The following RPS6KA3 variants were observed in gnomAD, a reference collection of about 807,000 sequenced individuals.
RPS6KA3 encodes the protein ribosomal protein S6 kinase alpha-3.
Under a neutral mutation model 67.2 loss-of-function variants are expected in RPS6KA3, and 4 were observed. That is an observed-to-expected ratio of 0.06 (90% confidence interval 0.03 to 0.14). RPS6KA3 has a LOEUF of 0.14. Among genes scored for constraint, RPS6KA3 ranks in the 10% least tolerant of loss-of-function variants. The probability of loss-of-function intolerance (pLI) is 1.00; values close to 1 mark genes in which losing one functional copy is unlikely to be tolerated. For missense variants in RPS6KA3, 204 were observed against 559.0 expected (o/e 0.36, Z 6.40); for synonymous variants, 182 against 183.7 (o/e 0.99, Z 0.07).
chrX:20,199,697 C>T (rs1394375789), intron 4 of RPS6KA3, among the ~76,000 whole-genome samples: 1 of 111,023 alleles, frequency 9.0e-6, no homozygotes. Context: ...TTTTAGAAAC[C>T]CACACTCAAG....
At position 20,152,662 on chromosome X, in the gene RPS6KA3, A is replaced by C. The variant is rs757385850; in HGVS notation, c.*2736T>G. ...AACACAAGCACTATATTTAGAGCACATCGTTGGCCAAGTTTTTCCACTGTA... is the reference window on the plus strand; with the variant it reads ...AACACAAGCACTATATTTAGAGCACCTCGTTGGCCAAGTTTTTCCACTGTA... On this transcript the variant is annotated 3_prime_UTR_variant, in exon 22 of 22. Coordinates refer to ENST00000379565, the MANE Select transcript of RPS6KA3 (RefSeq NM_004586.3). 1 of 112,284 alleles carries C rather than the reference A, an allele frequency of 8.9e-6. No homozygotes were observed. The highest frequency in any genetic ancestry group is 1.9e-5 in the Non-Finnish European group (1 of 53,267). The allele number at this position is 112,284 out of a possible 1,213,427, so 9.3% of individuals were successfully genotyped here.
chrX:20,160,616 T>C (rs911139785), intron 20 of RPS6KA3, among the ~76,000 whole-genome samples: 3 of 110,342 alleles, frequency 2.7e-5, no homozygotes, highest in Non-Finnish European at 5.7e-5. Flanking sequence ...TTCAGTAGAG[T>C]TGGGGTTTCA....
chrX:20,180,689 TG>T (rs1341215449), intron 10 of RPS6KA3, among the ~76,000 whole-genome samples: 3 of 112,271 alleles, frequency 2.7e-5, no homozygotes, highest in African/African-American at 9.7e-5. Context: ...CTTATAGACA[TG>T]AAACTCTGCC....
chrX:20,238,618 T>C (rs925092641), intron 1 of RPS6KA3, among the ~76,000 whole-genome samples: 1 of 110,758 alleles, frequency 9.0e-6, no homozygotes, highest in Non-Finnish European at 1.9e-5. Context: ...CAAAGCAACC[T>C]AAGAAAAAAA....
At chrX:20,208,674 T>C (rs909158139) in intron 3 of RPS6KA3, among the ~76,000 whole-genome samples, 7 of 111,583 alleles carry the variant, frequency 6.3e-5, no homozygotes, top group African/African-American at 2.3e-4. Flanking sequence ...GCCGAGATCA[T>C]GCCACTGTAC....
intron 2 of RPS6KA3, among the ~76,000 whole-genome samples, chrX:20,209,641 C>G (rs2068660018): frequency 1.8e-5 from 2 of 111,857 alleles, no homozygotes; most frequent in South Asian, 7.4e-4. Context: ...TTATACCAGC[C>G]TACTACATAG....
intron 18 of RPS6KA3, among the ~76,000 whole-genome samples, chrX:20,164,222 C>T (rs2067376456): frequency 9.0e-6 from 1 of 110,521 alleles, no homozygotes; most frequent in Non-Finnish European, 1.9e-5. Flanking sequence ...GCAATTTATT[C>T]CTGACATGGG....
At chrX:20,225,230 G>GTTTTTTTTTTTTTTTTTTTTTTTTT (rs113509516) in intron 2 of RPS6KA3, among the ~76,000 whole-genome samples, 1 of 88,291 alleles carries the variant, frequency 1.1e-5, no homozygotes. Context: ...AAAAGGGGAG[G>GTTTTTTTTTTTTTTTTTTTTTTTTT]TTTTTTTTTT....
intron 14 of RPS6KA3, among the ~76,000 whole-genome samples, chrX:20,174,941 T>C (rs937425571): frequency 4.6e-5 from 5 of 109,365 alleles, no homozygotes; most frequent in Admixed American, 2.9e-4. Context: ...TTAGTAGAGA[T>C]AGGGGTTTCA....
intron 4 of RPS6KA3, among the ~76,000 whole-genome samples, chrX:20,196,406 C>G (rs1244118972): frequency 1.8e-5 from 2 of 112,220 alleles, no homozygotes; most frequent in East Asian, 5.6e-4. Context: ...TCAAGAAGCT[C>G]ATGATCTAGT....
chrX:20,186,059 C>A (rs1018395588), intron 10 of RPS6KA3, among the ~76,000 whole-genome samples: 2 of 110,734 alleles, frequency 1.8e-5, no homozygotes, highest in African/African-American at 6.7e-5. Flanking sequence ...CCCACCTCAG[C>A]CTCCTGAGTA....
intron 15 of RPS6KA3, among the ~76,000 whole-genome samples, chrX:20,170,181 T>TA (rs1403194169): frequency 1.2e-4 from 13 of 112,304 alleles, no homozygotes; most frequent in African/African-American, 4.2e-4. Context: ...ATATTTTTCT[T>TA]AATGTTTTAA....
intron 2 of RPS6KA3, among the ~76,000 whole-genome samples, chrX:20,218,433 C>G (rs1428627360): frequency 9.0e-6 from 1 of 111,458 alleles, no homozygotes; most frequent in Non-Finnish European, 1.9e-5. Flanking sequence ...TTATAGTAAT[C>G]TCCTAAATAT....
chrX:20,191,413 A>G (rs1056584621), intron 7 of RPS6KA3, among the ~76,000 whole-genome samples: 8 of 111,546 alleles, frequency 7.2e-5, no homozygotes, highest in African/African-American at 2.6e-4. Context: ...GTCAAACGGT[A>G]TTTCTGGTTC....
chrX:20,155,557 A>G (rs1200968736), intron 21 of RPS6KA3, 37 bp from the exon 22 acceptor site: 1 of 1,188,148 alleles, frequency 8.4e-7, no homozygotes. Flanking sequence ...CAAAAGTGAC[A>G]ATGGATAGTC....
At chrX:20,251,154 T>G (rs1334335825) in intron 1 of RPS6KA3, among the ~76,000 whole-genome samples, 1 of 111,716 alleles carries the variant, frequency 9.0e-6, no homozygotes, top group African/African-American at 3.3e-5. Flanking sequence ...TGTTTTGAGA[T>G]GAGGTCTCAC....
chrX:20,175,695 C>T (rs181399013), intron 13 of RPS6KA3, among the ~76,000 whole-genome samples: 10 of 111,396 alleles, frequency 9.0e-5, no homozygotes, highest in Non-Finnish European at 1.5e-4. Flanking sequence ...TGAGAAACTA[C>T]ACTTTAAATT....
chrX:20,254,712 C>G (rs968259059), intron 1 of RPS6KA3, among the ~76,000 whole-genome samples: 4 of 112,108 alleles, frequency 3.6e-5, no homozygotes, highest in African/African-American at 1.3e-4. Flanking sequence ...ATTATGTATA[C>G]GAATGGACAA....
chrX:20,204,951 CA>C (rs1322801819), intron 3 of RPS6KA3, among the ~76,000 whole-genome samples: 1 of 111,427 alleles, frequency 9.0e-6, no homozygotes, highest in Non-Finnish European at 1.9e-5. Context: ...AACAAACAAA[CA>C]AAACTTACAC....
Sources: allele counts gnomAD v4.1 joint callset (sites outside exome capture counted in the v4.1 genomes callset), GRCh38; gene constraint gnomAD v4.1.1; transcripts MANE v1.5; gene names NCBI Gene and HGNC (gene_info 2026-07-23, HGNC 2026-07-21).